GADL1: variants seen among roughly 807,000 people sequenced by gnomAD.
GADL1 encodes acidic amino acid decarboxylase GADL1.
Under a neutral mutation model 69.5 loss-of-function variants are expected in GADL1, and 71 were observed. The observed-to-expected ratio is 1.02, with a 90% CI of 0.84 to 1.25. The LOEUF (loss-of-function observed/expected upper bound fraction) is 1.25, where lower values mean the gene tolerates loss of function less well. Among genes scored for constraint, GADL1 ranks in the 50% most tolerant of loss-of-function variants. GADL1 has a pLI of 0.00. For missense variants in GADL1, 737 were observed against 631.8 expected, an observed-to-expected ratio of 1.17 and a Z score of -1.79; for synonymous variants, 254 against 214.4, an observed-to-expected ratio of 1.18 and a Z score of -1.62.
At chr3:30,837,195 C>G (rs1330642518) in intron 9 of GADL1, among the ~76,000 whole-genome samples, 1 of 152,014 alleles carries the variant, frequency 6.6e-6, no homozygotes, top group Non-Finnish European at 1.5e-5. Flanking sequence ...TTAAAATACT[C>G]TAGAAGATTT....
intron 1 of GADL1, among the ~76,000 whole-genome samples, chr3:30,894,100 C>T (rs1000207578): frequency 6.6e-6 from 1 of 152,216 alleles, no homozygotes; most frequent in Admixed American, 6.5e-5. Context: ...TCTCAATCTG[C>T]AGCTCTGAAC....
At chr3:30,747,519 T>G (rs17026524) in intron 14 of GADL1, among the ~76,000 whole-genome samples, 17,979 of 152,182 alleles carry the variant, frequency 0.12, 1,203 homozygotes, top group East Asian at 0.23. Context: ...TACCCATACA[T>G]TTCTTTGGAC....
At chr3:30,782,446 G>A (rs913482638) in intron 13 of GADL1, among the ~76,000 whole-genome samples, 1 of 152,068 alleles carries the variant, frequency 6.6e-6, no homozygotes, top group African/African-American at 2.4e-5. Flanking sequence ...CAAGATTTTT[G>A]GTTAGTGGAT....
chr3:30,883,740 G>T (rs954551268), intron 1 of GADL1, among the ~76,000 whole-genome samples: 4 of 151,922 alleles, frequency 2.6e-5, no homozygotes, highest in African/African-American at 9.7e-5. Context: ...TGGGTAGCAT[G>T]GACGTCTTAA....
chr3:30,841,859 C>A (rs1234796683), intron 8 of GADL1, among the ~76,000 whole-genome samples: 2 of 152,080 alleles, frequency 1.3e-5, no homozygotes, highest in Non-Finnish European at 2.9e-5. Flanking sequence ...AATGAAGCCT[C>A]CCTGGTTTTA....
intron 11 of GADL1, among the ~76,000 whole-genome samples, chr3:30,810,732 C>A (rs1697335425): frequency 1.3e-5 from 2 of 152,086 alleles, no homozygotes; most frequent in South Asian, 4.2e-4. Flanking sequence ...TTGGCCGCAC[C>A]CTCCTCTGGC....
At chr3:30,888,858 T>C (rs572463106) in intron 1 of GADL1, among the ~76,000 whole-genome samples, 97 of 151,774 alleles carry the variant, frequency 6.4e-4, no homozygotes, top group Admixed American at 1.1e-3. Flanking sequence ...TCCACTTCTG[T>C]CAGAAAACCA....
At chr3:30,878,287 A>G (rs539202826) in intron 1 of GADL1, among the ~76,000 whole-genome samples, 2 of 151,950 alleles carry the variant, frequency 1.3e-5, no homozygotes, top group Non-Finnish European at 2.9e-5. Flanking sequence ...ATCACATTCT[A>G]CCATTTCTAA....
At chr3:30,825,749 A>G (rs1003877658) in intron 11 of GADL1, among the ~76,000 whole-genome samples, 19 of 151,902 alleles carry the variant, frequency 1.3e-4, no homozygotes, top group Non-Finnish European at 1.5e-5. Context: ...GGAGCGGGGA[A>G]TATCACACAC....
At chr3:30,824,078 C>T (rs1185965835) in intron 11 of GADL1, among the ~76,000 whole-genome samples, 1 of 151,694 alleles carries the variant, frequency 6.6e-6, no homozygotes, top group Non-Finnish European at 1.5e-5. Flanking sequence ...ACGTATCAAT[C>T]TACAGATTCA....
chr3:30,816,530 CTTTTTTTTTTTTTTTTTT>C (rs773530741), intron 11 of GADL1, among the ~76,000 whole-genome samples: 2,989 of 53,920 alleles, frequency 0.055, 120 homozygotes, highest in African/African-American at 0.14. Flanking sequence ...AATTTGTTTT[CTTTTTTTTTTTTTTTTTT>C]TTTTTTTTTT....
chr3:30,861,527 C>A (rs1698320471), intron 2 of GADL1, 66 bp downstream of exon 2: 1 of 1,193,332 alleles, frequency 8.4e-7, no homozygotes, highest in South Asian at 1.6e-5. Flanking sequence ...TTCTATTCAG[C>A]CATACTGATT....
At chr3:30,736,408 AC>A (rs1178923676) in intron 14 of GADL1, among the ~76,000 whole-genome samples, 1 of 152,130 alleles carries the variant, frequency 6.6e-6, no homozygotes, top group Non-Finnish European at 1.5e-5. Flanking sequence ...CCTTATGTGG[AC>A]TAAATGAAAT....
intron 11 of GADL1, among the ~76,000 whole-genome samples, chr3:30,807,997 ACTC>A (rs1553640601): frequency 6.6e-6 from 1 of 152,036 alleles, no homozygotes; most frequent in Non-Finnish European, 1.5e-5. Flanking sequence ...GTGCCACTGC[ACTC>A]CAGCCTGGGC....
intron 14 of GADL1, among the ~76,000 whole-genome samples, chr3:30,773,299 T>TGG (rs746376655): frequency 4.6e-5 from 7 of 152,126 alleles, no homozygotes; most frequent in Non-Finnish European, 1.0e-4. Context: ...TTCTGGCCCT[T>TGG]GGGGGAATAC....
chr3:30,742,131 T>G (rs113637302), intron 14 of GADL1, among the ~76,000 whole-genome samples: 1 of 152,174 alleles, frequency 6.6e-6, no homozygotes, highest in Non-Finnish European at 1.5e-5. Context: ...GCTATTTTAG[T>G]CTTCCCAGAT....
chr3:30,871,264 T>C (rs1284589607), intron 1 of GADL1, among the ~76,000 whole-genome samples: 1 of 151,604 alleles, frequency 6.6e-6, no homozygotes, highest in African/African-American at 2.4e-5. Context: ...ATAAGAAGAC[T>C]GCCTTAGAAA....
chr3:30,869,088 C>T (rs1262201386), intron 1 of GADL1, among the ~76,000 whole-genome samples: 1 of 149,224 alleles, frequency 6.7e-6, no homozygotes, highest in Admixed American at 6.7e-5. Context: ...AAAAAACAGT[C>T]TCTGTTCTCA....
chr3:30,847,922 C>A (rs1698083419), intron 6 of GADL1, among the ~76,000 whole-genome samples: 2 of 152,204 alleles, frequency 1.3e-5, no homozygotes, highest in Admixed American at 6.5e-5. Context: ...AATATCTTTT[C>A]CCTTTCCATG....
Sources: gnomAD v4.1 joint callset for allele counts (sites outside exome capture counted in the v4.1 genomes callset) on GRCh38, gnomAD v4.1.1 for gene constraint, MANE v1.5 for transcripts, NCBI Gene and HGNC (gene_info 2026-07-23, HGNC 2026-07-21) for gene names.